BLTP1: variants seen among roughly 807,000 people sequenced by gnomAD.
The protein encoded by BLTP1 is fragile site-associated protein.
At chr4:122,273,466 C>T in the BLTP1 span, 1 of 978,456 alleles carries the variant, frequency 1.0e-6, no homozygotes. Context: ...TACACAAATG[C>T]TCAGATGTCT....
At chr4:122,177,037 C>T in the BLTP1 span, among the ~76,000 whole-genome samples, 1 of 152,138 alleles carries the variant, frequency 6.6e-6, no homozygotes, top group Non-Finnish European at 1.5e-5. Flanking sequence ...AGTCATCATC[C>T]TTGATTTCTC....
chr4:122,339,084 CTTTA>C, the BLTP1 span: 20 of 1,159,262 alleles, frequency 1.7e-5, no homozygotes, highest in East Asian at 1.6e-4. Context: ...AGGTGATATA[CTTTA>C]TTTCTTTCTG....
chr4:122,214,476 G>A, the BLTP1 span: 1 of 947,270 alleles, frequency 1.1e-6, no homozygotes, highest in Admixed American at 6.2e-5. Flanking sequence ...AAATGAAATT[G>A]AAAGTTTTAT....
chr4:122,251,993 T>C, the BLTP1 span, among the ~76,000 whole-genome samples: 1 of 152,268 alleles, frequency 6.6e-6, no homozygotes, highest in African/African-American at 2.4e-5. Flanking sequence ...AACAGAGTCA[T>C]GAAGCCTCCA....
the BLTP1 span, among the ~76,000 whole-genome samples, chr4:122,158,757 C>T: frequency 5.3e-5 from 8 of 151,894 alleles, no homozygotes; most frequent in Admixed American, 3.9e-4. Context: ...GGCAACACAG[C>T]GAGACTCCGT....
chr4:122,227,712 A>G, the BLTP1 span: 1 of 154,028 alleles, frequency 6.5e-6, no homozygotes, highest in East Asian at 1.9e-4. Context: ...GCATCCTTAT[A>G]TATTGACAAT....
At chr4:122,340,653 A>G in the BLTP1 span, 1 of 907,162 alleles carries the variant, frequency 1.1e-6, no homozygotes. Context: ...AAAATTGGAA[A>G]ACAAAAAGGC....
At chr4:122,306,287 A>G in the BLTP1 span, among the ~76,000 whole-genome samples, 1 of 152,000 alleles carries the variant, frequency 6.6e-6, no homozygotes, top group Non-Finnish European at 1.5e-5. Flanking sequence ...AGATTATGTA[A>G]TTGTAATGCT....
At chr4:122,188,067 A>G in the BLTP1 span, 1 of 1,513,686 alleles carries the variant, frequency 6.6e-7, no homozygotes, top group Non-Finnish European at 8.8e-7. Context: ...AGTCCAAGAT[A>G]TGTTGGTCTT....
At chr4:122,255,553 G>A in the BLTP1 span, among the ~76,000 whole-genome samples, 21 of 152,188 alleles carry the variant, frequency 1.4e-4, no homozygotes, top group Non-Finnish European at 2.9e-4. Context: ...GGCTGAGGCA[G>A]GAGAACTGGT....
chr4:122,200,648 A>G, the BLTP1 span: 2 of 984,894 alleles, frequency 2.0e-6, no homozygotes, highest in Admixed American at 6.2e-5. Flanking sequence ...GACAGTACGC[A>G]TCACACTCTA....
the BLTP1 span, among the ~76,000 whole-genome samples, chr4:122,197,686 T>C: frequency 2.6e-5 from 4 of 152,078 alleles, no homozygotes; most frequent in African/African-American, 9.7e-5. Context: ...GGTTATATTA[T>C]TAGTAGATTT....
chr4:122,166,467 G>A, the BLTP1 span, among the ~76,000 whole-genome samples: 12 of 152,220 alleles, frequency 7.9e-5, no homozygotes, highest in South Asian at 2.5e-3. Context: ...TGCTGTTTTG[G>A]TTACTGTAGC....
the BLTP1 span, among the ~76,000 whole-genome samples, chr4:122,158,548 A>G: frequency 4.6e-5 from 7 of 152,088 alleles, no homozygotes; most frequent in Admixed American, 6.6e-5. Context: ...TGGGTGGATT[A>G]CAAGGTCAGG....
chr4:122,234,196 T>C, the BLTP1 span: 1 of 612,812 alleles, frequency 1.6e-6, no homozygotes, highest in Non-Finnish European at 2.0e-6. Flanking sequence ...ACATTTTTAA[T>C]ACTTTATTTG....
the BLTP1 span, chr4:122,194,709 A>C: frequency 1.2e-6 from 1 of 839,932 alleles, no homozygotes; most frequent in Non-Finnish European, 1.4e-6. Context: ...TTCTTCTTAA[A>C]CTGTATTTAA....
At chr4:122,273,097 G>A in the BLTP1 span, 2 of 388,292 alleles carry the variant, frequency 5.2e-6, no homozygotes, top group Non-Finnish European at 7.0e-6. Flanking sequence ...TATAAAACCA[G>A]TGTGGTTTTT....
chr4:122,233,653 A>C, the BLTP1 span, among the ~76,000 whole-genome samples: 6 of 152,190 alleles, frequency 3.9e-5, no homozygotes, highest in Non-Finnish European at 8.8e-5. Context: ...GCCTGCTCAT[A>C]CATTTTTCCT....
chr4:122,169,135 G>T, the BLTP1 span, among the ~76,000 whole-genome samples: 4 of 151,592 alleles, frequency 2.6e-5, no homozygotes, highest in Admixed American at 2.0e-4. Context: ...TTATTTTTTT[G>T]GCAGAGATGG....
Sources: gnomAD v4.1 joint callset for allele counts (sites outside exome capture counted in the v4.1 genomes callset) on GRCh38, gnomAD v4.1.1 for gene constraint, MANE v1.5 for transcripts, NCBI Gene and HGNC (gene_info 2026-07-23, HGNC 2026-07-21) for gene names.